ARK2C: variants seen among roughly 807,000 people sequenced by gnomAD.
ARK2C encodes the protein arkadia (RNF111) C-terminal like ring finger ubiquitin ligase 2C, also known as E3 ubiquitin-protein ligase ARK2C.
At chr18:46,461,130 T>C in the ARK2C span, 4 of 152,238 alleles carry the variant, frequency 2.6e-5, no homozygotes, top group African/African-American at 4.8e-5. Flanking sequence ...GAAGGAGCCC[T>C]GGACTGGGGA....
At chr18:46,334,768 C>T in the ARK2C span, 4 of 291,264 alleles carry the variant, frequency 1.4e-5, no homozygotes, top group African/African-American at 2.4e-5. The surrounding 1 kb of genome is among the most constrained non-coding windows in gnomAD (Gnocchi z 4.4). Context: ...CTGTGGTTTG[C>T]TTTTTTTGAG....
chr18:46,439,566 G>A, the ARK2C span, among the ~76,000 whole-genome samples: 4 of 152,250 alleles, frequency 2.6e-5, no homozygotes, highest in East Asian at 7.7e-4. Context: ...TGCAAGAAAC[G>A]ACTGCTTGCA....
chr18:46,396,772 C>T, the ARK2C span, among the ~76,000 whole-genome samples: 7 of 152,306 alleles, frequency 4.6e-5, no homozygotes, highest in Middle Eastern at 3.4e-3. Context: ...TGGCCATGTG[C>T]ACCACGCCTA....
chr18:46,436,028 T>C, the ARK2C span, among the ~76,000 whole-genome samples: 1 of 152,224 alleles, frequency 6.6e-6, no homozygotes, highest in Non-Finnish European at 1.5e-5. Context: ...AGCACAGATA[T>C]CTTTGTTGTC....
the ARK2C span, chr18:46,336,501 C>G: frequency 2.0e-6 from 2 of 985,406 alleles, no homozygotes; most frequent in South Asian, 4.7e-5. Flanking sequence ...TAAAATTTCG[C>G]AGAATGTGAT....
the ARK2C span, among the ~76,000 whole-genome samples, chr18:46,409,253 T>C: frequency 6.6e-6 from 1 of 152,104 alleles, no homozygotes; most frequent in African/African-American, 2.4e-5. Flanking sequence ...GGAACAGCAA[T>C]ATGAGATACC....
At chr18:46,443,241 G>GT in the ARK2C span, among the ~76,000 whole-genome samples, 1 of 151,968 alleles carries the variant, frequency 6.6e-6, no homozygotes, top group Admixed American at 6.6e-5. Context: ...ATTTGTGTCT[G>GT]TTTTTTGCCT....
the ARK2C span, among the ~76,000 whole-genome samples, chr18:46,349,808 C>T: frequency 3.9e-5 from 6 of 152,302 alleles, no homozygotes; most frequent in East Asian, 1.9e-4. Context: ...ACATTTGACA[C>T]GCTGCACACG....
chr18:46,338,905 C>T, the ARK2C span, among the ~76,000 whole-genome samples: 1 of 152,208 alleles, frequency 6.6e-6, no homozygotes, highest in Non-Finnish European at 1.5e-5. Context: ...CTGGCGGGTG[C>T]ACCCCTGCCT....
chr18:46,363,478 G>A, the ARK2C span, among the ~76,000 whole-genome samples: 2 of 152,194 alleles, frequency 1.3e-5, no homozygotes, highest in African/African-American at 4.8e-5. Context: ...CTTCTCTAGG[G>A]CCTCAGGGCT....
the ARK2C span, among the ~76,000 whole-genome samples, chr18:46,415,896 C>T: frequency 3.3e-5 from 5 of 152,186 alleles, no homozygotes; most frequent in South Asian, 4.2e-4. Context: ...ACCTGGAGTG[C>T]CAGGTGGGAG....
At chr18:46,405,822 G>C in the ARK2C span, among the ~76,000 whole-genome samples, 1 of 152,046 alleles carries the variant, frequency 6.6e-6, no homozygotes, top group South Asian at 2.1e-4. Flanking sequence ...AAGGTTTGGG[G>C]TTACTGCTGT....
At chr18:46,419,167 G>T in the ARK2C span, among the ~76,000 whole-genome samples, 4 of 152,284 alleles carry the variant, frequency 2.6e-5, no homozygotes, top group South Asian at 6.2e-4. Flanking sequence ...GGGTGCCCTT[G>T]CTACTCTCCC....
the ARK2C span, among the ~76,000 whole-genome samples, chr18:46,421,528 G>A: frequency 6.6e-6 from 1 of 152,224 alleles, no homozygotes; most frequent in Non-Finnish European, 1.5e-5. Flanking sequence ...TGCCTTGTTA[G>A]GATTGTGGCA....
At chr18:46,433,548 G>T in the ARK2C span, 2,748 of 1,524,100 alleles carry the variant, frequency 1.8e-3, 6 homozygotes, top group Non-Finnish European at 2.3e-3. Flanking sequence ...GGATGGGGTC[G>T]GGTGAGGGGG....
the ARK2C span, among the ~76,000 whole-genome samples, chr18:46,394,153 C>G: frequency 3.3e-5 from 5 of 152,182 alleles, no homozygotes. Flanking sequence ...GATGATGAGA[C>G]AGATGGGGTC....
the ARK2C span, among the ~76,000 whole-genome samples, chr18:46,383,852 C>T: frequency 6.6e-6 from 1 of 152,134 alleles, no homozygotes. Flanking sequence ...CGCCCGGCCA[C>T]CATGTTGGTT....
At chr18:46,460,409 G>A in the ARK2C span, 5 of 152,160 alleles carry the variant, frequency 3.3e-5, no homozygotes, top group African/African-American at 9.7e-5. Flanking sequence ...AACATGGCAC[G>A]TTGCTAGTTT....
At chr18:46,421,445 G>T in the ARK2C span, among the ~76,000 whole-genome samples, 1 of 152,190 alleles carries the variant, frequency 6.6e-6, no homozygotes, top group Non-Finnish European at 1.5e-5. Flanking sequence ...TAGGGGTAAA[G>T]GTGAATGAGA....
Sources: allele counts gnomAD v4.1 joint callset (sites outside exome capture counted in the v4.1 genomes callset), GRCh38; gene constraint gnomAD v4.1.1; non-coding constraint Gnocchi (gnomAD v3.1); transcripts MANE v1.5; gene names NCBI Gene and HGNC (gene_info 2026-07-23, HGNC 2026-07-21).